The following KIAA1671 variants were observed in gnomAD, a reference collection of about 807,000 sequenced individuals.
The protein encoded by KIAA1671 is KIAA1671.
Under a neutral mutation model 131.2 loss-of-function variants are expected in KIAA1671, and 52 were observed. The ratio of observed to expected loss-of-function variants is 0.40; its 90% CI spans 0.32 to 0.50. KIAA1671 has a LOEUF of 0.50. Among genes scored for constraint, KIAA1671 ranks in the 20% least tolerant of loss-of-function variants. KIAA1671 has a pLI of 0.73. For missense variants in KIAA1671, 2,360 were observed against 2,364.2 expected (o/e 1.00, Z 0.04); for synonymous variants, 1,003 against 961.6 (o/e 1.04, Z -0.80).
intron 1 of KIAA1671, among the ~76,000 whole-genome samples, chr22:24,984,963 C>T (rs1375988322): frequency 6.7e-6 from 1 of 149,414 alleles, no homozygotes; most frequent in African/African-American, 2.5e-5. Context: ...TAAACGCTGA[C>T]CTGTGTCCAC....
intron 12 of KIAA1671, among the ~76,000 whole-genome samples, chr22:25,191,696 TGTTTCTCCTCA>T (rs1425373033): frequency 2.6e-5 from 4 of 152,210 alleles, no homozygotes; most frequent in African/African-American, 9.6e-5. Context: ...GAGTGCTGCC[TGTTTCTCCTCA>T]GTATAGGAGC....
intron 1 of KIAA1671, among the ~76,000 whole-genome samples, chr22:24,958,272 C>T (rs1943934969): frequency 1.3e-5 from 2 of 152,194 alleles, no homozygotes; most frequent in East Asian, 1.9e-4. Flanking sequence ...GTAATCCCAG[C>T]GCTTTGGGAG....
At chr22:25,151,373 CAT>C (rs563461467) in intron 6 of KIAA1671, among the ~76,000 whole-genome samples, 129 of 147,776 alleles carry the variant, frequency 8.7e-4, no homozygotes, top group Non-Finnish European at 1.1e-3. Flanking sequence ...TTTATATACA[CAT>C]ATGTATATAT....
intron 6 of KIAA1671, among the ~76,000 whole-genome samples, chr22:25,068,211 A>G (rs116040856): frequency 0.026 from 3,742 of 144,518 alleles, 136 homozygotes; most frequent in African/African-American, 0.08. Context: ...CGACTGTGCC[A>G]TCAGGGAGCA....
At chr22:25,179,349 A>T in intron 9 of KIAA1671, 1 of 1,595,134 alleles carries the variant, frequency 6.3e-7, no homozygotes, top group South Asian at 1.1e-5. Flanking sequence ...GTTCCTGCGC[A>T]CCTCGGCCGC....
At chr22:25,138,751 A>G (rs940570105) in intron 6 of KIAA1671, among the ~76,000 whole-genome samples, 2 of 152,252 alleles carry the variant, frequency 1.3e-5, no homozygotes, top group African/African-American at 4.8e-5. Context: ...GAGTTCTTCA[A>G]AGAAATTCAG....
Position 24,973,652 on chromosome 22 carries a change from T to C in KIAA1671, c.-208+20880T>C, listed in dbSNP as rs546798823. ...CTCAAGTGACCTGCCTGCCTCGGCCTCCCAAAGTGCTAGGATTACAGGCAT... is the reference window on the plus strand; with the variant it reads ...CTCAAGTGACCTGCCTGCCTCGGCCCCCCAAAGTGCTAGGATTACAGGCAT... On this transcript the variant is annotated intron_variant, in intron 1 of 12. Transcript: ENST00000358431. Among the ~76,000 whole-genome samples the C allele has an allele frequency of 4.6e-5, 7 of 151,954 alleles. No individual in the cohort carries two copies. In the South Asian group the frequency reaches 1.5e-3, roughly 32 times the overall value.
Position 25,174,228 on chromosome 22 carries a change from C to G in KIAA1671, c.4650-12C>G. ...CCATAACCATGTCTCCCTTCATTCC[C>G]TTTTTTGGCAGCTTGGCCACTGAGT... On this transcript the variant is annotated splice_polypyrimidine_tract_variant and intron_variant, in intron 7 of 12. Transcript: ENST00000358431. 1 of 1,551,320 alleles carries G rather than the reference C, an allele frequency of 6.4e-7. No homozygotes were observed. The highest frequency in any genetic ancestry group is 1.4e-5 in the African/African-American group (1 of 73,150).
chr22:25,145,576 C>T (rs981871275), intron 6 of KIAA1671, among the ~76,000 whole-genome samples: 1 of 152,236 alleles, frequency 6.6e-6, no homozygotes, highest in African/African-American at 2.4e-5. Flanking sequence ...GTTACTTCCC[C>T]TTCCCTGGGC....
chr22:25,119,565 C>T (rs1031692165), intron 6 of KIAA1671, among the ~76,000 whole-genome samples: 12 of 152,170 alleles, frequency 7.9e-5, no homozygotes, highest in African/African-American at 2.7e-4. Flanking sequence ...ACACATTAAA[C>T]AATTAAGTAA....
At chr22:25,010,203 CAG>C (rs1253701029) in intron 1 of KIAA1671, 1 of 151,792 alleles carries the variant, frequency 6.6e-6, no homozygotes, top group Non-Finnish European at 1.5e-5. Context: ...TTTTTTGAGA[CAG>C]AGTCTTGCAC....
chr22:25,120,712 C>CT (rs1314955299), intron 6 of KIAA1671, among the ~76,000 whole-genome samples: 1 of 152,230 alleles, frequency 6.6e-6, no homozygotes, highest in Admixed American at 6.5e-5. Context: ...TCCTTCTTGT[C>CT]TTTTTCCCCC....
At chr22:25,146,961 C>G (rs1007042535) in intron 6 of KIAA1671, among the ~76,000 whole-genome samples, 3 of 152,032 alleles carry the variant, frequency 2.0e-5, no homozygotes, top group Admixed American at 6.5e-5. Context: ...AGGGTTGGAG[C>G]AAACCTAACA....
At chr22:25,101,827 G>A (rs56243310) in intron 6 of KIAA1671, among the ~76,000 whole-genome samples, 1 of 152,010 alleles carries the variant, frequency 6.6e-6, no homozygotes, top group Non-Finnish European at 1.5e-5. Flanking sequence ...GACAGGACAC[G>A]TCCCTGCCGC....
intron 12 of KIAA1671, among the ~76,000 whole-genome samples, 181 bp downstream of exon 12, chr22:25,190,965 T>G (rs930731319): frequency 1.2e-4 from 19 of 152,002 alleles, no homozygotes; most frequent in African/African-American, 4.4e-4. Flanking sequence ...TATGTCTGTT[T>G]CCATTTAGGG....
chr22:25,190,846 C>T, intron 12 of KIAA1671, 62 bp downstream of exon 12: 2 of 1,167,732 alleles, frequency 1.7e-6, no homozygotes, highest in South Asian at 2.6e-5. Flanking sequence ...ATGGGGAACT[C>T]AGGGGGGCCA....
intron 1 of KIAA1671, among the ~76,000 whole-genome samples, chr22:24,968,348 T>C (rs1400379126): frequency 5.3e-5 from 8 of 152,238 alleles, no homozygotes; most frequent in Non-Finnish European, 2.9e-5. Flanking sequence ...GCTCTCTGGG[T>C]GCCATCCAGT....
rs903750058 is a variant in KIAA1671 at position 25,041,610 on chromosome 22, C to G, written c.4395+85C>G. 35 of 1,367,588 alleles carry G rather than the reference C, an allele frequency of 2.6e-5. No homozygotes were observed. In the African/African-American group the frequency reaches 4.2e-4, roughly 17 times the overall value. The allele number at this position is 1,367,588 out of a possible 1,614,324, so 84.7% of individuals were successfully genotyped here. A position where few individuals can be genotyped will look rare whatever the true frequency, so the allele number is the denominator to read the frequency against. ...GCCGAAACTCAGATTTTGTGTGGCCCACTTTGGGTACATAAATGAGTGGAG... is the reference window on the plus strand; with the variant it reads ...GCCGAAACTCAGATTTTGTGTGGCCGACTTTGGGTACATAAATGAGTGGAG... On this transcript the variant is annotated intron_variant, in intron 5 of 12. Coordinates refer to ENST00000358431, the MANE Select transcript of KIAA1671 (RefSeq NM_001145206.2).
intron 6 of KIAA1671, among the ~76,000 whole-genome samples, chr22:25,127,677 C>T (rs906629619): frequency 5.3e-5 from 8 of 152,214 alleles, no homozygotes; most frequent in Non-Finnish European, 7.3e-5. Flanking sequence ...TTCCTATACA[C>T]GCCTGGGAGC....
Sources: gnomAD v4.1 joint callset for allele counts (sites outside exome capture counted in the v4.1 genomes callset) on GRCh38, gnomAD v4.1.1 for gene constraint, MANE v1.5 for transcripts, NCBI Gene and HGNC (gene_info 2026-07-23, HGNC 2026-07-21) for gene names.